UBE3D: variants seen among roughly 807,000 people sequenced by gnomAD.
UBE3D encodes ubiquitin protein ligase E3D, also known as E3 ubiquitin-protein ligase E3D.
UBE3D carries 48 observed loss-of-function variants against 49.6 expected under a neutral mutation model. The observed-to-expected ratio is 0.97, with a 90% CI of 0.77 to 1.23. The LOEUF is 1.23. UBE3D is among the 50% of genes most tolerant of loss of function. UBE3D has a pLI of 0.00. For synonymous variants in UBE3D, 189 were observed against 174.2 expected, an observed-to-expected ratio of 1.08 and a Z score of -0.67; for missense variants, 452 against 468.4, an observed-to-expected ratio of 0.96 and a Z score of 0.32.
At chr6:82,941,833 T>C (rs1343155885) in intron 9 of UBE3D, among the ~76,000 whole-genome samples, 1 of 152,188 alleles carries the variant, frequency 6.6e-6, no homozygotes, top group East Asian at 1.9e-4. Context: ...TCTGCCATGA[T>C]TGTAAGTTTC....
chr6:82,890,497 G>C (rs928648740), downstream of UBE3D, among the ~76,000 whole-genome samples: 2 of 152,186 alleles, frequency 1.3e-5, no homozygotes, highest in Non-Finnish European at 2.9e-5. Flanking sequence ...ACCATGACAA[G>C]ATTTATGTGA....
intron 5 of UBE3D, among the ~76,000 whole-genome samples, chr6:83,031,798 G>A (rs1781891136): frequency 6.6e-6 from 1 of 152,220 alleles, no homozygotes; most frequent in Non-Finnish European, 1.5e-5. Context: ...GGGACTTGGT[G>A]CTCCGTGTCC....
chr6:82,988,695 G>A (rs958256067), intron 8 of UBE3D, among the ~76,000 whole-genome samples: 1 of 152,060 alleles, frequency 6.6e-6, no homozygotes, highest in African/African-American at 2.4e-5. Flanking sequence ...ACATACATAT[G>A]TTCTGCCATG....
At chr6:82,947,087 T>C (rs1035880112) in intron 9 of UBE3D, among the ~76,000 whole-genome samples, 2 of 151,656 alleles carry the variant, frequency 1.3e-5, no homozygotes, top group African/African-American at 4.8e-5. Context: ...AAGTAAACTC[T>C]CCAATAAAAA....
At chr6:83,054,312 G>T in intron 2 of UBE3D, 74 bp from the exon 3 acceptor site, 2 of 1,135,464 alleles carry the variant, frequency 1.8e-6, no homozygotes, top group Non-Finnish European at 1.3e-6. Context: ...CAGTTCAATA[G>T]CCACGATAAA....
intron 1 of UBE3D, among the ~76,000 whole-genome samples, chr6:83,060,472 G>A (rs1338392166): frequency 1.3e-5 from 2 of 152,170 alleles, no homozygotes; most frequent in African/African-American, 2.4e-5. Context: ...GGTTGTAAAT[G>A]CATGTATGTA....
downstream of UBE3D, among the ~76,000 whole-genome samples, chr6:82,890,722 T>A (rs1216419122): frequency 6.6e-6 from 1 of 152,136 alleles, no homozygotes; most frequent in African/African-American, 2.4e-5. Context: ...AATGAGGGTG[T>A]CTCACTACAT....
chr6:82,937,762 A>G (rs1013625018), intron 9 of UBE3D, among the ~76,000 whole-genome samples: 1 of 152,164 alleles, frequency 6.6e-6, no homozygotes, highest in African/African-American at 2.4e-5. Flanking sequence ...AAAGGGGGGA[A>G]ATTACGGGCT....
chr6:83,022,528 A>G lies in UBE3D; in HGVS notation c.771T>C (p.Cys257=). 2.5e-6 allele frequency: 4 copies of G among 1,605,402 alleles called. No individual in the cohort carries two copies. The highest frequency in any genetic ancestry group is 1.3e-5 in the African/African-American group (1 of 74,290). ...TTCTAGCAGAGGAGAGCTGCACCAG[A>G]CACTGGGCGATCACGCTCTGGACAA... ...SWFVQSVIAQ[C]LVQLSSARST... Residue 257 remains cysteine, a synonymous_variant, in exon 7 of 10, where the codon TGT becomes TGC. Coordinates refer to ENST00000369747, the MANE Select transcript of UBE3D (RefSeq NM_198920.3).
At chr6:82,971,034 C>T (rs998824751) in intron 8 of UBE3D, among the ~76,000 whole-genome samples, 1 of 152,028 alleles carries the variant, frequency 6.6e-6, no homozygotes, top group African/African-American at 2.4e-5. Flanking sequence ...TTTGGTCTGG[C>T]TTCTTTCACT....
intron 8 of UBE3D, among the ~76,000 whole-genome samples, chr6:82,994,305 G>A (rs1395252152): frequency 6.6e-6 from 1 of 152,104 alleles, no homozygotes; most frequent in African/African-American, 2.4e-5. Flanking sequence ...GAAATAGAAA[G>A]TTTAGAGTCC....
intron 1 of UBE3D, among the ~76,000 whole-genome samples, chr6:83,060,810 G>C (rs1372923063): frequency 6.6e-6 from 1 of 152,040 alleles, no homozygotes. Context: ...GCCACATCTG[G>C]TATAATATGA....
chr6:82,908,389 G>A (rs548371654), intron 9 of UBE3D, among the ~76,000 whole-genome samples: 1 of 152,170 alleles, frequency 6.6e-6, no homozygotes, highest in South Asian at 2.1e-4. Flanking sequence ...GAACAGGACA[G>A]CTCTCTACAA....
intron 5 of UBE3D, among the ~76,000 whole-genome samples, chr6:83,027,657 G>A (rs1781578196): frequency 6.6e-6 from 1 of 151,998 alleles, no homozygotes; most frequent in African/African-American, 2.4e-5. Flanking sequence ...AAGGCACTCT[G>A]TCATTTTTTC....
At chr6:82,912,177 G>C (rs143950005) in intron 9 of UBE3D, among the ~76,000 whole-genome samples, 2 of 151,764 alleles carry the variant, frequency 1.3e-5, no homozygotes, top group African/African-American at 4.8e-5. Context: ...TTTCTTCCAT[G>C]CTTTTTTTTT....
At chr6:83,044,726 A>C in intron 3 of UBE3D, 67 bp from the exon 4 acceptor site, 1 of 1,295,464 alleles carries the variant, frequency 7.7e-7, no homozygotes, top group South Asian at 1.3e-5. Flanking sequence ...TAATTAAATG[A>C]CCATAAAAGA....
At chr6:83,006,244 A>C (rs1247034420) in intron 8 of UBE3D, among the ~76,000 whole-genome samples, 3 of 152,052 alleles carry the variant, frequency 2.0e-5, no homozygotes, top group African/African-American at 4.8e-5. Flanking sequence ...ACAAACAAAA[A>C]AAAAAAAGTA....
intron 9 of UBE3D, among the ~76,000 whole-genome samples, chr6:82,944,513 A>G (rs1775256032): frequency 6.6e-6 from 1 of 152,210 alleles, no homozygotes; most frequent in Non-Finnish European, 1.5e-5. Context: ...TGCTGACTTC[A>G]GCTGAGACAC....
At chr6:83,030,822 A>G (rs1781813382) in intron 5 of UBE3D, among the ~76,000 whole-genome samples, 1 of 152,140 alleles carries the variant, frequency 6.6e-6, no homozygotes, top group African/African-American at 2.4e-5. Context: ...AAATGCTGAT[A>G]GTGATATGGA....
Sources: gnomAD v4.1 joint callset for allele counts (sites outside exome capture counted in the v4.1 genomes callset) on GRCh38, gnomAD v4.1.1 for gene constraint, MANE v1.5 for transcripts, NCBI Gene and HGNC (gene_info 2026-07-23, HGNC 2026-07-21) for gene names.